RAD51B: variants seen among roughly 807,000 people sequenced by gnomAD.
The protein encoded by RAD51B is DNA repair protein RAD51 homolog 2.
In RAD51B, 38 loss-of-function variants were observed where a neutral mutation model predicts 42.2. That is an observed-to-expected ratio of 0.90 (90% confidence interval 0.70 to 1.18). The LOEUF is 1.18. RAD51B is among the 50% of genes most tolerant of loss of function. The pLI is 0.00. For synonymous variants in RAD51B, 154 were observed against 145.2 expected (o/e 1.06, Z -0.43); for missense variants, 373 against 400.7 (o/e 0.93, Z 0.59).
At chr14:67,901,222 G>A (rs569267409) in intron 7 of RAD51B, among the ~76,000 whole-genome samples, 14 of 152,150 alleles carry the variant, frequency 9.2e-5, no homozygotes, top group Non-Finnish European at 1.3e-4. Flanking sequence ...GTTATTACCC[G>A]TGAGTGCCTA....
At chr14:68,631,157 G>A (rs1201163737) in intron 10 of RAD51B, among the ~76,000 whole-genome samples, 1 of 152,128 alleles carries the variant, frequency 6.6e-6, no homozygotes, top group Non-Finnish European at 1.5e-5. Context: ...TACAATTAGG[G>A]AGCATATATG....
intron 10 of RAD51B, among the ~76,000 whole-genome samples, chr14:68,588,747 C>A (rs772824340): frequency 1.2e-4 from 18 of 152,170 alleles, no homozygotes; most frequent in Non-Finnish European, 2.4e-4. Context: ...GAGTAGGATT[C>A]TCTTGTCATG....
At chr14:68,342,800 G>A (rs753432493) in intron 8 of RAD51B, among the ~76,000 whole-genome samples, 2 of 152,124 alleles carry the variant, frequency 1.3e-5, no homozygotes, top group East Asian at 1.9e-4. Context: ...ACATGTCCAC[G>A]TTTGACCTAA....
At chr14:68,519,424 A>G (rs1886413247) in intron 10 of RAD51B, among the ~76,000 whole-genome samples, 1 of 152,236 alleles carries the variant, frequency 6.6e-6, no homozygotes, top group Non-Finnish European at 1.5e-5. Flanking sequence ...CTTAGGGAAT[A>G]GGAGAAAAGA....
chr14:68,108,633 C>A (rs1238715536), intron 7 of RAD51B, among the ~76,000 whole-genome samples: 2 of 151,750 alleles, frequency 1.3e-5, no homozygotes, highest in African/African-American at 4.8e-5. Flanking sequence ...GGGACAGTGA[C>A]TACTAATGAG....
intron 8 of RAD51B, among the ~76,000 whole-genome samples, chr14:68,306,991 T>C (rs533946639): frequency 6.1e-5 from 9 of 146,432 alleles, no homozygotes; most frequent in African/African-American, 2.3e-4. Flanking sequence ...TCCTCTTGGA[T>C]TGGATGAAAA....
intron 7 of RAD51B, among the ~76,000 whole-genome samples, chr14:68,192,608 T>C (rs1453823204): frequency 6.6e-6 from 1 of 152,192 alleles, no homozygotes; most frequent in Non-Finnish European, 1.5e-5. Flanking sequence ...CTATCCAGAA[T>C]TCAGGTTTTC....
At chr14:68,597,070 G>T (rs1429311642), downstream of RAD51B, among the ~76,000 whole-genome samples, 1 of 152,208 alleles carries the variant, frequency 6.6e-6, no homozygotes, top group African/African-American at 2.4e-5. Flanking sequence ...GGAGACCAAG[G>T]TTTCCATTTT....
At chr14:68,133,333 G>A (rs1443945818) in intron 7 of RAD51B, among the ~76,000 whole-genome samples, 1 of 152,168 alleles carries the variant, frequency 6.6e-6, no homozygotes, top group Non-Finnish European at 1.5e-5. Flanking sequence ...AGCTGTTTTT[G>A]AATTTGAGGA....
At chr14:68,078,533 C>T (rs944924503) in intron 7 of RAD51B, among the ~76,000 whole-genome samples, 1 of 151,708 alleles carries the variant, frequency 6.6e-6, no homozygotes, top group African/African-American at 2.4e-5. Context: ...AGCAGCTTGT[C>T]TAGGTGCAAT....
intron 7 of RAD51B, among the ~76,000 whole-genome samples, chr14:68,110,439 G>A (rs1347215216): frequency 6.6e-6 from 1 of 151,974 alleles, no homozygotes; most frequent in Non-Finnish European, 1.5e-5. Context: ...ATTGTTTCCT[G>A]CCTTGGTTGA....
At chr14:68,662,935 T>C (rs1202129464) in intron 11 of RAD51B, among the ~76,000 whole-genome samples, 1 of 152,216 alleles carries the variant, frequency 6.6e-6, no homozygotes, top group Admixed American at 6.5e-5. Flanking sequence ...GCTGACCTTG[T>C]GGACCGCATT....
intron 7 of RAD51B, among the ~76,000 whole-genome samples, chr14:68,231,905 C>G (rs1212251957): frequency 1.3e-5 from 2 of 152,000 alleles, no homozygotes; most frequent in East Asian, 3.9e-4. Context: ...ATAGTAGACA[C>G]AGGAATGTAA....
At chr14:68,140,308 A>G (rs1595458551) in intron 7 of RAD51B, among the ~76,000 whole-genome samples, 1 of 152,276 alleles carries the variant, frequency 6.6e-6, no homozygotes, top group African/African-American at 2.4e-5. Context: ...CTTTTCCTGC[A>G]ACTCAGCTGG....
chr14:68,090,648 A>C (rs931584649), intron 7 of RAD51B, among the ~76,000 whole-genome samples: 2 of 151,602 alleles, frequency 1.3e-5, no homozygotes, highest in Admixed American at 1.3e-4. Context: ...TATTTTAAAA[A>C]ATGTTCATAG....
At chr14:68,097,962 T>C (rs775269483) in intron 7 of RAD51B, among the ~76,000 whole-genome samples, 2 of 152,218 alleles carry the variant, frequency 1.3e-5, no homozygotes, top group Non-Finnish European at 2.9e-5. Context: ...TCCCATGTGC[T>C]GTTCATTCTG....
chr14:67,990,558 G>A (rs2075277965), intron 7 of RAD51B, among the ~76,000 whole-genome samples: 1 of 152,134 alleles, frequency 6.6e-6, no homozygotes, highest in Non-Finnish European at 1.5e-5. Context: ...CTAAACAGTG[G>A]TGCTTTGATT....
chr14:67,824,174 C>T (rs2040729658), intron 2 of RAD51B, among the ~76,000 whole-genome samples: 1 of 152,236 alleles, frequency 6.6e-6, no homozygotes, highest in South Asian at 2.1e-4. Context: ...AATCCTCCAG[C>T]CTCAACTCCC....
At chr14:68,460,370 C>A (rs1157382705) in intron 9 of RAD51B, among the ~76,000 whole-genome samples, 1 of 152,066 alleles carries the variant, frequency 6.6e-6, no homozygotes, top group East Asian at 1.9e-4. Context: ...GGAGAATCAC[C>A]TGAACCTGTG....
Sources: gnomAD v4.1 joint callset for allele counts (sites outside exome capture counted in the v4.1 genomes callset) on GRCh38, gnomAD v4.1.1 for gene constraint, MANE v1.5 for transcripts, NCBI Gene and HGNC (gene_info 2026-07-23, HGNC 2026-07-21) for gene names.